The following USP40 variants were observed in gnomAD, a reference collection of about 807,000 sequenced individuals.
USP40 encodes ubiquitin carboxyl-terminal hydrolase 40.
A neutral mutation model predicts 166.2 loss-of-function variants in USP40; 143 were observed. That is an observed-to-expected ratio of 0.86 (90% CI 0.75 to 0.99). The LOEUF (loss-of-function observed/expected upper bound fraction) is 0.99, where lower values mean the gene tolerates loss of function less well. Among genes scored for constraint, USP40 ranks in the 50% least tolerant of loss-of-function variants. The probability of loss-of-function intolerance (pLI) is 0.00; values close to 1 mark genes in which losing one functional copy is unlikely to be tolerated. For missense variants in USP40, 1,444 were observed against 1,479.7 expected (o/e 0.98, Z 0.40); for synonymous variants, 498 against 524.0 (o/e 0.95, Z 0.68).
intron 5 of USP40, 103 bp downstream of exon 5, chr2:233,556,752 A>C (rs2071134121): frequency 9.1e-7 from 1 of 1,099,264 alleles, no homozygotes; most frequent in Admixed American, 3.7e-5. Context: ...AATTACTTTT[A>C]GTAATAAACA....
At chr2:233,532,951 TAAAC>T (rs1230490586) in intron 11 of USP40, among the ~76,000 whole-genome samples, 2 of 146,814 alleles carry the variant, frequency 1.4e-5, no homozygotes, top group Admixed American at 1.4e-4. Flanking sequence ...AATGAATAAA[TAAAC>T]AAAAAGTCTT....
chr2:233,529,596 TG>T, intron 11 of USP40, 84 bp from the exon 12 acceptor site: 1 of 929,588 alleles, frequency 1.1e-6, no homozygotes, highest in Non-Finnish European at 1.5e-6. Context: ...TAGGAAGGAC[TG>T]TCCTAGGAGC....
intron 18 of USP40, among the ~76,000 whole-genome samples, chr2:233,517,405 G>GTTTTTTT (rs2067291360): frequency 7.7e-6 from 1 of 130,148 alleles, no homozygotes; most frequent in Non-Finnish European, 1.6e-5. Flanking sequence ...TTTTTTTTGA[G>GTTTTTTT]ACGGAGTCTC....
intron 21 of USP40, among the ~76,000 whole-genome samples, chr2:233,501,783 A>G (rs1231809014): frequency 3.9e-5 from 6 of 152,236 alleles, no homozygotes; most frequent in Non-Finnish European, 7.3e-5. Flanking sequence ...TTCAGGGAGA[A>G]TAAGAAGAGC....
At chr2:233,544,522 T>C (rs921501734) in intron 8 of USP40, among the ~76,000 whole-genome samples, 9 of 152,086 alleles carry the variant, frequency 5.9e-5, no homozygotes, top group African/African-American at 1.7e-4. Context: ...GGGACTGGCT[T>C]CTCTGGCAAC....
intron 30 of USP40, among the ~76,000 whole-genome samples, chr2:233,482,766 G>T (rs1165716227): frequency 1.3e-5 from 2 of 152,068 alleles, no homozygotes; most frequent in East Asian, 1.9e-4. Context: ...ACTCCCGAGT[G>T]CAAGTGATCT....
At chr2:233,518,933 G>A (rs534426746) in intron 18 of USP40, among the ~76,000 whole-genome samples, 1 of 152,158 alleles carries the variant, frequency 6.6e-6, no homozygotes, top group Non-Finnish European at 1.5e-5. Flanking sequence ...AGTCAGCAAT[G>A]CAAAGGAACA....
Position 233,556,859 on chromosome 2 carries a change from C to T in USP40, c.542G>A (p.Arg181Lys), listed in dbSNP as rs753781280. The T allele has an allele frequency of 2.5e-6, 4 of 1,606,708 alleles. No individual in the cohort carries two copies. Among genetic ancestry groups the T allele is most frequent in the African/African-American group, 2.7e-5 (2 of 74,552 alleles). The change falls in exon 5 of 32, where the codon AGG becomes AAG. Residue 181 changes from arginine to lysine, a missense_variant. Transcript: ENST00000678225. ...VCKECKNVSERQEDFLDLTVA... is the reference protein window; with the variant it reads ...VCKECKNVSEKQEDFLDLTVA... ...AAAATACTCTGGCATATTTACCTGC[C>T]TCTCGCTAACGTTCTTACATTCTTT...
At chr2:233,537,428 T>A (rs1206614922) in intron 10 of USP40, among the ~76,000 whole-genome samples, 1 of 152,078 alleles carries the variant, frequency 6.6e-6, no homozygotes, top group East Asian at 1.9e-4. Context: ...TTTTCCAAAA[T>A]TTTAAAAAAG....
intron 21 of USP40, among the ~76,000 whole-genome samples, chr2:233,500,460 G>GT (rs2125109979): frequency 6.6e-6 from 1 of 152,196 alleles, no homozygotes; most frequent in East Asian, 1.9e-4. Context: ...AACAAAAATA[G>GT]TAATTAAAAC....
chr2:233,488,415 T>TA, intron 27 of USP40, 111 bp from the exon 28 acceptor site: 2 of 1,017,606 alleles, frequency 2.0e-6, no homozygotes, highest in Admixed American at 2.5e-5. Flanking sequence ...GTTTTCTGAG[T>TA]ACTTATAAGA....
intron 4 of USP40, among the ~76,000 whole-genome samples, chr2:233,557,383 T>C (rs1043353040): frequency 1.3e-5 from 2 of 152,148 alleles, no homozygotes; most frequent in African/African-American, 4.8e-5. Context: ...CAGGAACACC[T>C]CACTGAGATC....
intron 24 of USP40, among the ~76,000 whole-genome samples, chr2:233,495,665 A>C (rs1037297201): frequency 6.6e-6 from 1 of 152,154 alleles, no homozygotes; most frequent in Non-Finnish European, 1.5e-5. Flanking sequence ...ATTAAAAAGC[A>C]AAGGCCTTTG....
intron 6 of USP40, among the ~76,000 whole-genome samples, chr2:233,553,819 A>G (rs374310033): frequency 2.3e-5 from 3 of 133,178 alleles, no homozygotes; most frequent in East Asian, 5.1e-4. Context: ...ATGGCAAAAG[A>G]TATCAGTTGC....
At chr2:233,561,607 T>C (rs1268917948) in intron 3 of USP40, among the ~76,000 whole-genome samples, 1 of 151,608 alleles carries the variant, frequency 6.6e-6, no homozygotes, top group Non-Finnish European at 1.5e-5. Flanking sequence ...CCTAAAACCA[T>C]AAAAACCCTA....
intron 24 of USP40, among the ~76,000 whole-genome samples, chr2:233,494,930 A>ATATATATATATATATATATT (rs2065601865): frequency 2.7e-5 from 1 of 37,634 alleles, no homozygotes; most frequent in African/African-American, 1.8e-4. Context: ...ATATATATAT[A>ATATATATATATATATATATT]TATATATATA....
At position 233,559,396 on chromosome 2, in the gene USP40, A is replaced by G. The variant is rs79479792; in HGVS notation, c.381+415T>C. ...ACACAAAGCACATAACAAACAAAGA[A>G]TTTTTAAAAATTTACTTACAATGTA... On this transcript the variant is annotated intron_variant, in intron 4 of 31. Transcript: ENST00000678225. Among the ~76,000 whole-genome samples, 962 of 152,340 alleles carry G rather than the reference A, an allele frequency of 6.3e-3. 22 individuals are homozygous for G. In the East Asian group the frequency reaches 0.084, roughly 13 times the overall value.
chr2:233,551,905 C>T (rs2070600689), intron 6 of USP40, among the ~76,000 whole-genome samples: 1 of 152,096 alleles, frequency 6.6e-6, no homozygotes, highest in Non-Finnish European at 1.5e-5. Flanking sequence ...AACCTGGGAC[C>T]TAGGAACCTG....
At chr2:233,494,956 T>TTTTATATA (rs2065627243) in intron 24 of USP40, among the ~76,000 whole-genome samples, 3 of 35,504 alleles carry the variant, frequency 8.4e-5, no homozygotes, top group Non-Finnish European at 1.5e-4. Flanking sequence ...ATATATATAT[T>TTTTATATA]TATATATATA....
Sources: gnomAD v4.1 joint callset for allele counts (sites outside exome capture counted in the v4.1 genomes callset) on GRCh38, gnomAD v4.1.1 for gene constraint, MANE v1.5 for transcripts, NCBI Gene and HGNC (gene_info 2026-07-23, HGNC 2026-07-21) for gene names.